The following KIAA1217 variants were observed in gnomAD, a reference collection of about 807,000 sequenced individuals.
KIAA1217 encodes the protein KIAA1217.
A neutral mutation model predicts 163.9 loss-of-function variants in KIAA1217; 88 were observed. That is an observed-to-expected ratio of 0.54 (90% confidence interval 0.45 to 0.64). The LOEUF is 0.64. Ranked by LOEUF, KIAA1217 falls within the 30% of genes least tolerant of loss-of-function variation. KIAA1217 has a pLI of 0.00. For missense variants in KIAA1217, 2,372 were observed against 2,475.0 expected (o/e 0.96, Z 0.88); for synonymous variants, 903 against 923.1 (o/e 0.98, Z 0.39).
intron 1 of KIAA1217, among the ~76,000 whole-genome samples, chr10:23,790,882 G>T (rs1481757249): frequency 1.3e-5 from 2 of 151,832 alleles, no homozygotes; most frequent in Admixed American, 1.3e-4. Context: ...CTACAGGGAT[G>T]TGCCACCAGG....
intron 1 of KIAA1217, among the ~76,000 whole-genome samples, chr10:23,995,082 G>A (rs1023294826): frequency 1.3e-5 from 2 of 152,162 alleles, no homozygotes; most frequent in East Asian, 3.8e-4. Flanking sequence ...AGCAGCATTG[G>A]TAATAGCAGA....
At chr10:24,517,078 G>A (rs188787202) in intron 10 of KIAA1217, among the ~76,000 whole-genome samples, 255 of 151,916 alleles carry the variant, frequency 1.7e-3, no homozygotes, top group Middle Eastern at 3.4e-3. Context: ...AGCTACTCAG[G>A]AAGCTGAGGT....
At chr10:24,013,622 G>A (rs1252649505) in intron 2 of KIAA1217, among the ~76,000 whole-genome samples, 1 of 152,136 alleles carries the variant, frequency 6.6e-6, no homozygotes, top group South Asian at 2.1e-4. Flanking sequence ...ATTATGTGCA[G>A]ACATAGTCTC....
At chr10:24,182,501 G>A (rs1305320944) in intron 2 of KIAA1217, among the ~76,000 whole-genome samples, 3 of 147,602 alleles carry the variant, frequency 2.0e-5, no homozygotes, top group African/African-American at 5.0e-5. Flanking sequence ...GATTATGATG[G>A]CTTTGTTTGT....
chr10:23,701,290 T>A (rs1836431650), intron 1 of KIAA1217, among the ~76,000 whole-genome samples: 1 of 152,186 alleles, frequency 6.6e-6, no homozygotes, highest in Admixed American at 6.5e-5. Context: ...TGAAGATAAG[T>A]AGGAAATAAA....
chr10:24,135,215 C>T (rs990747612), intron 2 of KIAA1217, among the ~76,000 whole-genome samples: 11 of 152,226 alleles, frequency 7.2e-5, no homozygotes, highest in Non-Finnish European at 1.5e-4. Flanking sequence ...AGATTCCAAG[C>T]AGCGGGCTGC....
chr10:23,934,606 T>TATATAC (rs1491195575), intron 1 of KIAA1217, among the ~76,000 whole-genome samples: 4 of 76,284 alleles, frequency 5.2e-5, no homozygotes, highest in Admixed American at 1.2e-4. Flanking sequence ...TATATATATA[T>TATATAC]GTATATATAT....
At chr10:24,027,668 T>C (rs142625038) in intron 2 of KIAA1217, among the ~76,000 whole-genome samples, 2 of 152,258 alleles carry the variant, frequency 1.3e-5, no homozygotes, top group East Asian at 3.9e-4. Flanking sequence ...TGTTAATAGA[T>C]AGGAAAACTC....
chr10:24,027,488 T>G (rs1220250811), intron 2 of KIAA1217, among the ~76,000 whole-genome samples: 1 of 152,176 alleles, frequency 6.6e-6, no homozygotes, highest in Non-Finnish European at 1.5e-5. Context: ...ATATTATGTT[T>G]CATCATATAC....
chr10:24,085,452 C>T (rs555909729), intron 2 of KIAA1217, among the ~76,000 whole-genome samples: 2 of 152,104 alleles, frequency 1.3e-5, no homozygotes, highest in Non-Finnish European at 2.9e-5. Flanking sequence ...TTTGTCTTGC[C>T]TTCTGGTCTT....
chr10:24,389,120 T>C (rs1483118057), intron 3 of KIAA1217, among the ~76,000 whole-genome samples: 1 of 152,138 alleles, frequency 6.6e-6, no homozygotes, highest in Non-Finnish European at 1.5e-5. Context: ...ATTGCAGCAC[T>C]ATTCACAATA....
At position 24,150,031 on chromosome 10, in the gene KIAA1217, T is replaced by C. The variant is rs376694637; in HGVS notation, c.-170-69595T>C. 5.9e-5 allele frequency among the ~76,000 whole-genome samples: 9 copies of C among 152,200 alleles called. No individual in the cohort carries two copies. The East Asian group carries it at 1.3e-3, about 23-fold the overall frequency. ...TATTTTTCTTTTTTCTTTTTCTTTT[T>C]TTTGAGATGGAGTTAAACTTTTGTT... On this transcript the variant is annotated intron_variant, in intron 2 of 18. Transcript: ENST00000376462.
intron 16 of KIAA1217, 47 bp from the exon 17 acceptor site, chr10:24,536,727 C>T (rs777325382): frequency 6.2e-7 from 1 of 1,601,200 alleles, no homozygotes; most frequent in African/African-American, 1.3e-5. Context: ...CTCCATTCTC[C>T]TCAGTACCCT....
intron 1 of KIAA1217, among the ~76,000 whole-genome samples, chr10:23,887,765 G>C (rs909769242): frequency 6.6e-6 from 1 of 151,620 alleles, no homozygotes; most frequent in African/African-American, 2.4e-5. Flanking sequence ...TTTCCCCCAA[G>C]ATGGATTGCA....
intron 2 of KIAA1217, among the ~76,000 whole-genome samples, chr10:24,076,084 A>T (rs1034214175): frequency 1.3e-5 from 2 of 152,140 alleles, no homozygotes; most frequent in South Asian, 2.1e-4. Flanking sequence ...TGAGGGCCTG[A>T]TGAACAACCT....
chr10:23,907,105 C>T (rs947701823), intron 1 of KIAA1217, among the ~76,000 whole-genome samples: 80 of 152,172 alleles, frequency 5.3e-4, no homozygotes, highest in African/African-American at 1.7e-3. Flanking sequence ...ACCATTCTCC[C>T]ATGTGTATTA....
chr10:24,190,549 G>A (rs928855840), intron 2 of KIAA1217, among the ~76,000 whole-genome samples: 2 of 152,120 alleles, frequency 1.3e-5, no homozygotes, highest in South Asian at 4.1e-4. Flanking sequence ...TCCCACAGCA[G>A]GATTGCCCTG....
chr10:24,285,438 G>A lies in KIAA1217; in HGVS notation c.354+65529G>A, dbSNP rs181849707. Among the ~76,000 whole-genome samples, 6 of 152,154 alleles carry A rather than the reference G, an allele frequency of 3.9e-5. No homozygotes were observed. The East Asian group carries it at 7.7e-4, about 20-fold the overall frequency. ...AGTAGAGATCCAGTTTCATTCCTCC[G>A]CTTATGGCTAGCCAGTTTCCCCAGC... On this transcript the variant is annotated intron_variant, in intron 2 of 20. Coordinates refer to ENST00000376454, the MANE Select transcript of KIAA1217 (RefSeq NM_019590.5).
chr10:24,140,154 T>C (rs1009650728), intron 2 of KIAA1217, among the ~76,000 whole-genome samples: 4 of 151,982 alleles, frequency 2.6e-5, no homozygotes, highest in African/African-American at 9.7e-5. Flanking sequence ...GGTCAGGAGA[T>C]GGATACCATC....
Sources: allele counts gnomAD v4.1 joint callset (sites outside exome capture counted in the v4.1 genomes callset), GRCh38; gene constraint gnomAD v4.1.1; transcripts MANE v1.5; gene names NCBI Gene and HGNC (gene_info 2026-07-23, HGNC 2026-07-21).